The following ARMC2 variants were observed in gnomAD, a reference collection of about 807,000 sequenced individuals.
ARMC2 encodes armadillo repeat containing 2, also known as armadillo repeat-containing protein 2.
ARMC2 carries 67 observed loss-of-function variants against 90.3 expected under a neutral mutation model. The ratio of observed to expected loss-of-function variants is 0.74; its 90% CI spans 0.61 to 0.91. ARMC2 has a LOEUF of 0.91. Ranked by LOEUF, ARMC2 falls within the 40% of genes least tolerant of loss-of-function variation. ARMC2 has a pLI of 0.00. For missense variants in ARMC2, 920 were observed against 1,030.9 expected (o/e 0.89, Z 1.47); for synonymous variants, 393 against 393.0 (o/e 1.00, Z 0.00).
chr6:108,988,828 A>T, the ARMC2 span: 1 of 596,864 alleles, frequency 1.7e-6, no homozygotes, highest in Non-Finnish European at 2.8e-6. Flanking sequence ...ATAGAGCTTT[A>T]TAACTGCAGA....
chr6:109,011,606 A>C, the ARMC2 span, among the ~76,000 whole-genome samples: 3 of 151,838 alleles, frequency 2.0e-5, no homozygotes, highest in Non-Finnish European at 4.4e-5. Context: ...AAGAGTTCCA[A>C]CAAATGTATT....
chr6:108,961,337 G>C (rs531845589), intron 13 of ARMC2, among the ~76,000 whole-genome samples: 29 of 152,226 alleles, frequency 1.9e-4, no homozygotes, highest in Non-Finnish European at 3.7e-4. Context: ...CTGGCTGCGA[G>C]GATTGAGTTG....
At chr6:108,916,653 T>G (rs1773999821) in intron 10 of ARMC2, among the ~76,000 whole-genome samples, 1 of 152,078 alleles carries the variant, frequency 6.6e-6, no homozygotes, top group Non-Finnish European at 1.5e-5. Context: ...TAAATGCCAG[T>G]AGTAAATTGC....
At chr6:108,871,848 G>A (rs1217362631) in intron 4 of ARMC2, among the ~76,000 whole-genome samples, 6 of 152,180 alleles carry the variant, frequency 3.9e-5, no homozygotes, top group Non-Finnish European at 2.9e-5. Flanking sequence ...TGTTTTCATC[G>A]TGGTTCTTTT....
chr6:109,005,757 G>C, the ARMC2 span, among the ~76,000 whole-genome samples: 1 of 152,116 alleles, frequency 6.6e-6, no homozygotes, highest in Non-Finnish European at 1.5e-5. Flanking sequence ...AAATAGGGAT[G>C]ATGACAAAAT....
rs1386367373 is a variant in ARMC2, at chr6:108,973,351, A to T, written c.2447-6A>T. ...TAATGCTGTAATTTAAATTTTTCTAATACAGATGAAGAACTAGCACTGGAT... is the reference window on the plus strand; with the variant it reads ...TAATGCTGTAATTTAAATTTTTCTATTACAGATGAAGAACTAGCACTGGAT... On this transcript the variant is annotated splice_region_variant and splice_polypyrimidine_tract_variant and intron_variant, in intron 17 of 17. Coordinates refer to ENST00000392644, the MANE Select transcript of ARMC2 (RefSeq NM_032131.6). 3 of 1,603,048 alleles carry T rather than the reference A, an allele frequency of 1.9e-6. No homozygotes were observed. In the Admixed American group the frequency reaches 5.2e-5, roughly 28 times the overall value.
chr6:108,887,088 A>G (rs2128449611), intron 5 of ARMC2, among the ~76,000 whole-genome samples: 1 of 151,970 alleles, frequency 6.6e-6, no homozygotes, highest in Non-Finnish European at 1.5e-5. Context: ...TTGTATTTTT[A>G]GTAGAGATGT....
At chr6:109,002,513 A>G in the ARMC2 span, among the ~76,000 whole-genome samples, 4 of 152,228 alleles carry the variant, frequency 2.6e-5, no homozygotes, top group African/African-American at 7.2e-5. Context: ...TACATAGCTA[A>G]CAACAGCTTA....
Position 108,904,251 on chromosome 6 carries a change from G to C in ARMC2, c.869G>C (p.Cys290Ser), listed in dbSNP as rs1159306369. Residue 290 changes from cysteine to serine, a missense_variant, in exon 8 of 18, where the codon TGT becomes TCT. By Grantham distance (112) the Cys-to-Ser change is moderately radical. Coordinates refer to ENST00000392644, the MANE Select transcript of ARMC2 (RefSeq NM_032131.6). ...ACAGAAGAAAACATTGAAACGGTTT[G>C]TGCTGCTTGCACACAACTTCATCAT... is the stretch of plus-strand genomic sequence containing the variant. ...LEKEENIETV[C>S]AACTQLHHAL... 4 of 1,613,722 alleles carry C rather than the reference G, an allele frequency of 2.5e-6. No homozygotes were observed. The South Asian group carries it at 4.4e-5, about 18-fold the overall frequency.
At chr6:108,851,669 G>T (rs765484231) in intron 1 of ARMC2, among the ~76,000 whole-genome samples, 2 of 151,894 alleles carry the variant, frequency 1.3e-5, no homozygotes, top group Admixed American at 1.3e-4. Flanking sequence ...TGGATTACAT[G>T]GTGGCTCACA....
chr6:108,892,765 A>C (rs1433740822), intron 5 of ARMC2, among the ~76,000 whole-genome samples: 1 of 90,794 alleles, frequency 1.1e-5, no homozygotes, highest in Admixed American at 1.3e-4. Context: ...ATCTCAAAAA[A>C]AAAAAAAAAA....
the ARMC2 span, among the ~76,000 whole-genome samples, chr6:108,991,981 A>T: frequency 6.6e-6 from 1 of 152,126 alleles, no homozygotes; most frequent in Non-Finnish European, 1.5e-5. Flanking sequence ...CACCATCCAA[A>T]TTCTTCAAAT....
At chr6:108,959,529 G>C (rs1777835196) in intron 13 of ARMC2, 1 of 152,530 alleles carries the variant, frequency 6.6e-6, no homozygotes, top group South Asian at 2.1e-4. Context: ...GGTGAGACCA[G>C]GTGGAGAAGG....
intron 5 of ARMC2, among the ~76,000 whole-genome samples, chr6:108,890,214 A>AAACAAACAAAC (rs1770852025): frequency 2.6e-5 from 3 of 117,420 alleles, no homozygotes; most frequent in South Asian, 6.4e-4. Context: ...AAAAAAAAAA[A>AAACAAACAAAC]AAAAAAAAAA....
At chr6:109,024,589 A>G in the ARMC2 span, among the ~76,000 whole-genome samples, 1 of 152,238 alleles carries the variant, frequency 6.6e-6, no homozygotes, top group Admixed American at 6.5e-5. Flanking sequence ...TTATGACTCA[A>G]TAAGTTGAAA....
the ARMC2 span, among the ~76,000 whole-genome samples, chr6:108,989,578 T>TAGAGAGAG: frequency 6.6e-6 from 1 of 151,224 alleles, no homozygotes; most frequent in Non-Finnish European, 1.5e-5. Context: ...TAGAGATATC[T>TAGAGAGAG]ATATATAGAG....
At position 108,858,191 on chromosome 6, in the gene ARMC2, T is replaced by G; in HGVS notation, c.219-8T>G. The G allele has an allele frequency of 6.2e-7, 1 of 1,605,434 alleles. No individual in the cohort carries two copies. Among genetic ancestry groups the G allele is most frequent in the Non-Finnish European group, 8.5e-7 (1 of 1,173,396 alleles). ...CAAACTAACACTCTGCACCATCTTTTATGCTAGCCTCCATGCATCCAGTTT... is the reference window on the plus strand; with the variant it reads ...CAAACTAACACTCTGCACCATCTTTGATGCTAGCCTCCATGCATCCAGTTT... On this transcript the variant is annotated splice_polypyrimidine_tract_variant and splice_region_variant and intron_variant, in intron 2 of 17. Transcript: ENST00000392644.
chr6:108,931,768 C>T (rs1201312763), intron 11 of ARMC2, among the ~76,000 whole-genome samples: 29 of 145,176 alleles, frequency 2.0e-4, no homozygotes, highest in Non-Finnish European at 4.1e-4. Context: ...TCTTTGCCCA[C>T]TTTTTTTTTT....
intron 12 of ARMC2, among the ~76,000 whole-genome samples, chr6:108,939,591 C>T (rs1315047204): frequency 6.6e-6 from 1 of 152,196 alleles, no homozygotes; most frequent in Admixed American, 6.5e-5. Context: ...ATGCCAGCAG[C>T]ATGCTTCCTG....
Sources: gnomAD v4.1 joint callset for allele counts (sites outside exome capture counted in the v4.1 genomes callset) on GRCh38, gnomAD v4.1.1 for gene constraint, MANE v1.5 for transcripts, NCBI Gene and HGNC (gene_info 2026-07-23, HGNC 2026-07-21) for gene names.